CRELD2: variants seen among roughly 807,000 people sequenced by gnomAD.
CRELD2 encodes CRELD disulfide isomerase 2, also known as protein disulfide isomerase CRELD2.
In CRELD2, 33 loss-of-function variants were observed where a neutral mutation model predicts 48.1. The observed-to-expected ratio is 0.69, with a 90% confidence interval of 0.52 to 0.92. The LOEUF is 0.92. Ranked by LOEUF, CRELD2 falls within the 40% of genes least tolerant of loss-of-function variation. CRELD2 has a pLI of 0.00. For missense variants in CRELD2, 477 were observed against 482.4 expected, an observed-to-expected ratio of 0.99 and a Z score of 0.10; for synonymous variants, 220 against 203.9, an observed-to-expected ratio of 1.08 and a Z score of -0.67.
At chr22:49,919,414 C>A in intron 2 of CRELD2, 102 bp downstream of exon 2, 1 of 1,080,222 alleles carries the variant, frequency 9.3e-7, no homozygotes, top group Non-Finnish European at 1.4e-6. Context: ...GACAGAACAG[C>A]CCCCGAGGCA....
In CRELD2 at chr22:49,920,250, G is replaced by C. The variant is rs763149806; in HGVS notation, c.415+3G>C. On this transcript the variant is annotated splice_donor_region_variant and intron_variant, in intron 4 of 9. Coordinates refer to ENST00000328268, the MANE Select transcript of CRELD2 (RefSeq NM_024324.5). ...AACCTACGGTCCCGACTGTCTCGGT[G>C]CGTTTCTCCTCAGGGAAATCCCATC... is the stretch of plus-strand genomic sequence containing the variant. 6.2e-6 allele frequency: 10 copies of C among 1,600,636 alleles called. No individual in the cohort carries two copies. The highest frequency in any genetic ancestry group is 8.6e-6 in the Non-Finnish European group (10 of 1,169,366).
At chr22:49,923,146 C>A in intron 6 of CRELD2, 88 bp from the exon 7 acceptor site, 1 of 1,093,296 alleles carries the variant, frequency 9.1e-7, no homozygotes, top group Non-Finnish European at 1.3e-6. Context: ...CGGCCCTGGC[C>A]ACGGGCTGTG....
At chr22:49,924,643 C>T (rs867173372) in intron 8 of CRELD2, 188 bp downstream of exon 8, 144 of 478,370 alleles carry the variant, frequency 3.0e-4, no homozygotes, top group Middle Eastern at 2.7e-3. Flanking sequence ...GGGTGGGGGA[C>T]GGGCTCTGCA....
At chr22:49,919,582 TG>T in intron 2 of CRELD2, 147 bp from the exon 3 acceptor site, 1 of 647,920 alleles carries the variant, frequency 1.5e-6, no homozygotes, top group Non-Finnish European at 2.7e-6. Flanking sequence ...GAACCGCTCC[TG>T]GCTTCCCCTG....
intron 8 of CRELD2, 73 bp downstream of exon 8, chr22:49,924,528 G>T: frequency 1.8e-6 from 2 of 1,130,888 alleles, no homozygotes; most frequent in Non-Finnish European, 2.6e-6. Context: ...GCCCCAGCAG[G>T]TACTGCCAGG....
chr22:49,927,494 C>T lies in CRELD2; in HGVS notation c.*187C>T, dbSNP rs2060781117. 3.3e-6 allele frequency: 2 copies of T among 603,510 alleles called. No individual in the cohort carries two copies. The highest frequency in any genetic ancestry group is 3.9e-5 in the South Asian group (2 of 51,046). The allele number at this position is 603,510 out of a possible 1,614,324, so 37.4% of individuals were successfully genotyped here. A position where few individuals can be genotyped will look rare whatever the true frequency, so the allele number is the denominator to read the frequency against. Reference sequence around the variant, plus strand: ...TTAAACAGACTTGTATATTTTGATACAGTTCTTTGTAATAAAATTGACCAT... The same window carrying T: ...TTAAACAGACTTGTATATTTTGATATAGTTCTTTGTAATAAAATTGACCAT... On this transcript the variant is annotated 3_prime_UTR_variant, in exon 10 of 10. Transcript: ENST00000328268.
At chr22:49,925,581 C>T in intron 9 of CRELD2, 24 bp downstream of exon 9, 5 of 1,612,380 alleles carry the variant, frequency 3.1e-6, no homozygotes, top group Non-Finnish European at 4.2e-6. Context: ...CTGCCCTCCA[C>T]ACAGGCTGCC....
chr22:49,921,526 A>T, intron 4 of CRELD2, 59 bp from the exon 5 acceptor site: 1 of 1,547,320 alleles, frequency 6.5e-7, no homozygotes, highest in Non-Finnish European at 8.8e-7. Flanking sequence ...TCTCCGTGTG[A>T]GAACACCGCA....
chr22:49,924,527 G>T, intron 8 of CRELD2, 72 bp downstream of exon 8: 9 of 1,134,162 alleles, frequency 7.9e-6, no homozygotes, highest in Non-Finnish European at 1.2e-5. Context: ...GGCCCCAGCA[G>T]GTACTGCCAG....
At chr22:49,919,064 C>G (rs1482628599) in intron 1 of CRELD2, among the ~76,000 whole-genome samples, 166 bp downstream of exon 1, 1 of 152,194 alleles carries the variant, frequency 6.6e-6, no homozygotes, top group African/African-American at 2.4e-5. Context: ...GTCCCTCCAC[C>G]GTGGTCCTGG....
At chr22:49,924,232 A>G in intron 7 of CRELD2, 128 bp from the exon 8 acceptor site, 1 of 624,640 alleles carries the variant, frequency 1.6e-6, no homozygotes, top group South Asian at 1.9e-5. Flanking sequence ...AGATCGTTAT[A>G]AAGTCACTTG....
chr22:49,919,357 C>T (rs752066698), intron 2 of CRELD2, 45 bp downstream of exon 2: 2 of 1,569,060 alleles, frequency 1.3e-6, no homozygotes, highest in Non-Finnish European at 1.8e-6. Context: ...CTGGCGCTGT[C>T]CTGGGAAGTC....
chr22:49,922,590 C>A (rs767742220), intron 5 of CRELD2, 22 bp from the exon 6 acceptor site: 2 of 1,519,942 alleles, frequency 1.3e-6, no homozygotes, highest in Non-Finnish European at 8.9e-7. Flanking sequence ...GGTTTGTACC[C>A]AGGCCCGCCT....
intron 8 of CRELD2, 175 bp downstream of exon 8, chr22:49,924,630 T>A: frequency 2.0e-6 from 1 of 491,028 alleles, no homozygotes; most frequent in Non-Finnish European, 3.7e-6. Context: ...ACAGAAGCAG[T>A]GGGGGTGGGG....
At chr22:49,919,443 C>A in intron 2 of CRELD2, 131 bp downstream of exon 2, 1 of 813,760 alleles carries the variant, frequency 1.2e-6, no homozygotes, top group South Asian at 1.6e-5. Flanking sequence ...CCGTCCGAGT[C>A]ACCTCGGCTT....
chr22:49,920,087 T>C lies in CRELD2; in HGVS notation c.324-69T>C, dbSNP rs1169638167. The C allele has an allele frequency of 9.6e-6, 10 of 1,044,068 alleles. No homozygotes were observed. The Admixed American group carries it at 1.8e-4, about 18-fold the overall frequency. The allele number at this position is 1,044,068 out of a possible 1,614,324, so 64.7% of individuals were successfully genotyped here. On this transcript the variant is annotated intron_variant, in intron 3 of 9. Transcript: ENST00000328268. The stretch of plus-strand genomic sequence containing the variant: ...ACAATACTCCAGAGCATATGTTACG[T>C]TCAGCTGCATGTTTGTTTTAAAGAA...
intron 7 of CRELD2, chr22:49,923,714 T>G (rs1204948077): frequency 2.9e-6 from 1 of 349,024 alleles, no homozygotes; most frequent in Non-Finnish European, 5.4e-6. Context: ...TTTCATACTT[T>G]TACAACAATG....
At chr22:49,927,109 C>A (rs939107008) in intron 9 of CRELD2, 146 bp from the exon 10 acceptor site, 1 of 734,098 alleles carries the variant, frequency 1.4e-6, no homozygotes. Context: ...ACGGGGGTCT[C>A]CGAGCTGCCC....
chr22:49,923,400 G>T, intron 7 of CRELD2, 83 bp downstream of exon 7: 1 of 1,061,648 alleles, frequency 9.4e-7, no homozygotes, highest in Non-Finnish European at 1.4e-6. Flanking sequence ...TGGCTTCTTA[G>T]TGTCACTTCC....
Sources: gnomAD v4.1 joint callset for allele counts (sites outside exome capture counted in the v4.1 genomes callset) on GRCh38, gnomAD v4.1.1 for gene constraint, MANE v1.5 for transcripts, NCBI Gene and HGNC (gene_info 2026-07-23, HGNC 2026-07-21) for gene names.